LY86: variants seen among roughly 807,000 people sequenced by gnomAD.
The protein encoded by LY86 is lymphocyte antigen 86.
A neutral mutation model predicts 17.3 loss-of-function variants in LY86; 20 were observed. The observed-to-expected ratio is 1.15, with a 90% CI of 0.81 to 1.68. The LOEUF (loss-of-function observed/expected upper bound fraction) is 1.68, where lower values mean the gene tolerates loss of function less well. Ranked by LOEUF, LY86 falls within the 40% of genes most tolerant of loss-of-function variation. LY86 has a pLI of 0.00. For missense variants in LY86, 200 were observed against 191.9 expected (o/e 1.04, Z -0.25); for synonymous variants, 74 against 70.6 (o/e 1.05, Z -0.24).
At chr6:6,629,669 A>G (rs1761869975) in intron 3 of LY86, among the ~76,000 whole-genome samples, 2 of 152,210 alleles carry the variant, frequency 1.3e-5, no homozygotes, top group Non-Finnish European at 2.9e-5. Context: ...CAAATAAAAC[A>G]CAAAATGGGT....
In LY86 at chr6:6,654,581, A is replaced by T; in HGVS notation, c.443A>T (p.Lys148Ile). Residue 148 changes from lysine (K) to isoleucine (I), a missense_variant, in exon 5 of 5, where the codon AAA becomes ATA. Coordinates refer to ENST00000230568, the MANE Select transcript of LY86 (RefSeq NM_004271.4). ...YQVLLELYTEKRSTVACANAT... is the reference protein window; with the variant it reads ...YQVLLELYTEIRSTVACANAT... ...GTTTTGCTGGAACTGTACACTGAAA[A>T]ACGGTCCACCGTGGCCTGTGCCAAT... is the stretch of plus-strand genomic sequence containing the variant. 6.2e-7 allele frequency: 1 copy of T among 1,614,134 alleles called. No homozygotes were observed.
intron 1 of LY86, among the ~76,000 whole-genome samples, chr6:6,624,010 G>C (rs749639059): frequency 2.0e-5 from 3 of 152,150 alleles, no homozygotes; most frequent in Admixed American, 6.5e-5. Context: ...AATATATGGG[G>C]GCAGGGAAGC....
At chr6:6,628,552 G>C (rs1341156318) in intron 3 of LY86, among the ~76,000 whole-genome samples, 1 of 151,834 alleles carries the variant, frequency 6.6e-6, no homozygotes, top group East Asian at 1.9e-4. Flanking sequence ...CTCTCTGTCT[G>C]TCTCTCTCTC....
chr6:6,641,397 C>G lies in LY86; in HGVS notation c.353-8228C>G, dbSNP rs115714489. On this transcript the variant is annotated intron_variant, in intron 3 of 4. Transcript: ENST00000230568. ...ACAAAGACAGAGTTCACCGTGCCCCCCTCCTGCTTCCTCCAGTCCCTCTTT... is the reference window on the plus strand; with the variant it reads ...ACAAAGACAGAGTTCACCGTGCCCCGCTCCTGCTTCCTCCAGTCCCTCTTT... 3.3e-3 allele frequency among the ~76,000 whole-genome samples: 500 copies of G among 152,330 alleles called. 2 individuals are homozygous for G. Among genetic ancestry groups the G allele is most frequent in the African/African-American group, 0.011 (473 of 41,564 alleles).
intron 4 of LY86, among the ~76,000 whole-genome samples, chr6:6,653,017 C>G (rs1169626849): frequency 6.6e-6 from 1 of 152,206 alleles, no homozygotes; most frequent in Non-Finnish European, 1.5e-5. Flanking sequence ...GGTCTTTACT[C>G]ATAATTAATT....
intron 3 of LY86, among the ~76,000 whole-genome samples, chr6:6,636,616 A>G (rs963379395): frequency 6.6e-6 from 1 of 152,070 alleles, no homozygotes; most frequent in Non-Finnish European, 1.5e-5. Context: ...AAGCCTGCAT[A>G]TTTTCTGATG....
At chr6:6,620,416 G>A (rs866602177) in intron 1 of LY86, among the ~76,000 whole-genome samples, 1 of 152,358 alleles carries the variant, frequency 6.6e-6, no homozygotes, top group African/African-American at 2.4e-5. Flanking sequence ...CCTCCTCTAT[G>A]CCTCAAACTA....
At chr6:6,598,726 C>G (rs998205450) in intron 1 of LY86, among the ~76,000 whole-genome samples, 7 of 149,036 alleles carry the variant, frequency 4.7e-5, no homozygotes, top group Admixed American at 6.7e-5. Context: ...ACCTGGCCTA[C>G]AGGCATCATT....
intron 1 of LY86, among the ~76,000 whole-genome samples, chr6:6,593,306 C>T (rs1760590040): frequency 6.6e-6 from 1 of 152,228 alleles, no homozygotes; most frequent in South Asian, 2.1e-4. Context: ...ACATGGCCTT[C>T]CTGTTCTGTT....
At chr6:6,612,535 C>T (rs965313873) in intron 1 of LY86, among the ~76,000 whole-genome samples, 20 of 152,214 alleles carry the variant, frequency 1.3e-4, no homozygotes, top group African/African-American at 4.8e-4. Context: ...AAACCAACCA[C>T]ACAAAAGCAA....
At chr6:6,603,626 A>AC in intron 1 of LY86, among the ~76,000 whole-genome samples, 1 of 134,900 alleles carries the variant, frequency 7.4e-6, no homozygotes, top group South Asian at 2.4e-4. Context: ...AAACAAAAAA[A>AC]AACAAAACAC....
At chr6:6,615,095 G>A (rs1761522481) in intron 1 of LY86, among the ~76,000 whole-genome samples, 1 of 152,180 alleles carries the variant, frequency 6.6e-6, no homozygotes. Flanking sequence ...AGGATCTCAC[G>A]TTTAAGATCA....
At chr6:6,609,626 G>GT (rs1761282108) in intron 1 of LY86, among the ~76,000 whole-genome samples, 1 of 152,188 alleles carries the variant, frequency 6.6e-6, no homozygotes, top group Non-Finnish European at 1.5e-5. Context: ...AAAGGAGGCT[G>GT]TTTATGAGTC....
intron 1 of LY86, among the ~76,000 whole-genome samples, chr6:6,613,135 A>G (rs773408721): frequency 5.3e-5 from 8 of 152,244 alleles, no homozygotes; most frequent in Non-Finnish European, 8.8e-5. Flanking sequence ...CAGGGGGCTG[A>G]TTGGTGTGTT....
intron 3 of LY86, among the ~76,000 whole-genome samples, chr6:6,631,762 C>T (rs1480141548): frequency 6.6e-6 from 1 of 152,138 alleles, no homozygotes; most frequent in East Asian, 1.9e-4. Flanking sequence ...GGCAATTGCT[C>T]AACCCTTCCC....
At position 6,654,542 on chromosome 6, in the gene LY86, A is replaced by G; in HGVS notation, c.406-2A>G. On this transcript the variant is annotated splice_acceptor_variant, in intron 4 of 4. Coordinates refer to ENST00000230568, the MANE Select transcript of LY86 (RefSeq NM_004271.4). LOFTEE classifies it high-confidence loss of function. ...CTAATACTTGACCTGTGCCCCTTGC[A>G]GGGAGAATACCAGGTTTTGCTGGAA... The G allele has an allele frequency of 6.2e-7, 1 of 1,613,026 alleles. No individual in the cohort carries two copies. Among genetic ancestry groups the G allele is most frequent in the Non-Finnish European group, 8.5e-7 (1 of 1,178,942 alleles).
At chr6:6,613,052 C>T (rs977515900) in intron 1 of LY86, among the ~76,000 whole-genome samples, 1 of 151,732 alleles carries the variant, frequency 6.6e-6, no homozygotes, top group South Asian at 2.1e-4. Context: ...AGACATAAAG[C>T]TTCTCCAAGT....
At chr6:6,595,570 T>A (rs912390694) in intron 1 of LY86, among the ~76,000 whole-genome samples, 3 of 150,390 alleles carry the variant, frequency 2.0e-5, no homozygotes, top group East Asian at 4.0e-4. Flanking sequence ...CTGGGCCAAT[T>A]TGGCTCTTCC....
intron 1 of LY86, among the ~76,000 whole-genome samples, chr6:6,613,276 G>A (rs1029498002): frequency 6.6e-6 from 1 of 152,228 alleles, no homozygotes; most frequent in African/African-American, 2.4e-5. Context: ...CCGTGCGCCC[G>A]CACTCCTCAG....
Sources: gnomAD v4.1 joint callset for allele counts (sites outside exome capture counted in the v4.1 genomes callset) on GRCh38, gnomAD v4.1.1 for gene constraint, MANE v1.5 for transcripts, NCBI Gene and HGNC (gene_info 2026-07-23, HGNC 2026-07-21) for gene names.